Variants in ASXL2 observed in about 807,000 individuals in gnomAD.
The protein encoded by ASXL2 is putative Polycomb group protein ASXL2.
ASXL2 carries 23 observed loss-of-function variants against 122.0 expected under a neutral mutation model. That is an observed-to-expected ratio of 0.19 (90% CI 0.14 to 0.27). ASXL2 has a LOEUF of 0.27. Among genes scored for constraint, ASXL2 ranks in the 10% least tolerant of loss-of-function variants. The pLI is 1.00. For missense variants in ASXL2, 1,518 were observed against 1,713.8 expected, an observed-to-expected ratio of 0.89 and a Z score of 2.02; for synonymous variants, 650 against 637.0, an observed-to-expected ratio of 1.02 and a Z score of -0.31.
chr2:25,754,679 TAAAA>T (rs35860666), intron 10 of ASXL2, among the ~76,000 whole-genome samples: 2 of 149,510 alleles, frequency 1.3e-5, no homozygotes, highest in African/African-American at 4.9e-5. Context: ...GCTTGCATGT[TAAAA>T]AAAAAAGTAA....
chr2:25,808,726 G>A (rs1292255587), intron 3 of ASXL2, among the ~76,000 whole-genome samples: 1 of 152,170 alleles, frequency 6.6e-6, no homozygotes, highest in African/African-American at 2.4e-5. Context: ...AGACACTTGT[G>A]TCAATATTTG....
chr2:25,786,243 C>CTTTTTTGTTTTTTTTTTTTT (rs2088743222), intron 5 of ASXL2, among the ~76,000 whole-genome samples: 1 of 112,420 alleles, frequency 8.9e-6, no homozygotes, highest in Non-Finnish European at 1.7e-5. Context: ...CCACATCATT[C>CTTTTTTGTTTTTTTTTTTTT]TTTTTTTTTT....
chr2:25,743,843 C>T lies in ASXL2; in HGVS notation c.2494G>A (p.Ala832Thr). The change falls in exon 13 of 13, where the codon GCA becomes ACA. Residue 832 changes from alanine to threonine, a missense_variant. Physicochemically the swap from Ala to Thr is moderately conservative, Grantham distance 58. Around this residue, in one of 8 missense-constraint regions of ASXL2, gnomAD observed 831 missense variants for 833.1 expected, o/e 1.00. Transcript: ENST00000435504. Reference sequence around the variant, plus strand: ...AGAGCAGGACCTGTTGGAGAAGGTGCTTTCTCCTGTCTGCAACTACTGGGC... The same window carrying T: ...AGAGCAGGACCTGTTGGAGAAGGTGTTTTCTCCTGTCTGCAACTACTGGGC... ...QGPSSCRQEK[A>T]PSPTGPALIS... The T allele has an allele frequency of 6.2e-7, 1 of 1,614,026 alleles. No individual in the cohort carries two copies. Among genetic ancestry groups the T allele is most frequent in the African/African-American group, 1.3e-5 (1 of 75,046 alleles).
At chr2:25,873,653 AC>A (rs2089982855) in intron 1 of ASXL2, among the ~76,000 whole-genome samples, 2 of 151,690 alleles carry the variant, frequency 1.3e-5, no homozygotes, top group African/African-American at 2.4e-5. Flanking sequence ...AAAAAAAAAA[AC>A]AAAAAAACTA....
At chr2:25,754,830 G>GA (rs901731301) in intron 10 of ASXL2, among the ~76,000 whole-genome samples, 57 of 139,512 alleles carry the variant, frequency 4.1e-4, no homozygotes, top group East Asian at 1.9e-3. Context: ...ATCTTTCTGA[G>GA]AAAAAAAAAA....
At chr2:25,826,047 G>A (rs761118037) in intron 3 of ASXL2, among the ~76,000 whole-genome samples, 7 of 152,086 alleles carry the variant, frequency 4.6e-5, no homozygotes, top group East Asian at 3.9e-4. Flanking sequence ...CGTGGTGGGC[G>A]GGCACTATGT....
At chr2:25,822,792 T>A (rs190132995) in intron 3 of ASXL2, 1 of 571,286 alleles carries the variant, frequency 1.8e-6, no homozygotes, top group African/African-American at 1.9e-5. Context: ...TTGGAAACAC[T>A]GGGAAGATGG....
intron 3 of ASXL2, among the ~76,000 whole-genome samples, chr2:25,829,128 A>G (rs1312741207): frequency 1.3e-5 from 2 of 152,152 alleles, no homozygotes; most frequent in African/African-American, 4.8e-5. Flanking sequence ...CAGATGTGGC[A>G]GTGTACACCT....
chr2:25,779,521 A>T (rs547817927), intron 5 of ASXL2, among the ~76,000 whole-genome samples: 1 of 152,298 alleles, frequency 6.6e-6, no homozygotes, highest in African/African-American at 2.4e-5. Flanking sequence ...ATAATTATTG[A>T]AATTAAGACT....
At position 25,743,618 on chromosome 2, in the gene ASXL2, T is replaced by G. The variant is rs373675790; in HGVS notation, c.2719A>C (p.Thr907Pro). 32 of 1,614,038 alleles carry G rather than the reference T, an allele frequency of 2.0e-5. No homozygotes were observed. The East Asian group carries it at 5.6e-4, about 28-fold the overall frequency. Reference protein sequence around the residue: ...EKLPVPQVSATTAPAGSAPPS... With the variant: ...EKLPVPQVSAPTAPAGSAPPS... ...GGAGCTGATCCAGCAGGTGCTGTAG[T>G]TGCACTGACCTGGGGTACAGGAAGC... Residue 907 changes from threonine (T) to proline (P), a missense_variant, in exon 13 of 13, where the codon ACT (threonine) becomes CCT (proline). Thr to Pro is a conservative substitution (Grantham distance 38, BLOSUM62 -1). This residue lies in a region of ASXL2 where 831 missense variants were observed against 833.1 expected (regional missense o/e 1.00). Coordinates refer to ENST00000435504, the MANE Select transcript of ASXL2 (RefSeq NM_018263.6).
At position 25,744,010 on chromosome 2, in the gene ASXL2, G is replaced by T. The variant is rs755787643; in HGVS notation, c.2327C>A (p.Thr776Asn). Residue 776 changes from threonine (T) to asparagine (N), a missense_variant, in exon 13 of 13, where the codon ACC becomes AAC. This residue lies in a region of ASXL2 where 831 missense variants were observed against 833.1 expected (regional missense o/e 1.00). Coordinates refer to ENST00000435504, the MANE Select transcript of ASXL2 (RefSeq NM_018263.6). The surrounding 1 kb of genome is among the most constrained non-coding windows in gnomAD (Gnocchi z 4.7). ...GGCAGGTGTTGGAGGCACTGGGGGG[G>T]TTTGCTGTAGTTGTGCTCCAGAGAC... is the stretch of plus-strand genomic sequence containing the variant. Reference protein sequence around the residue: ...HSVSGAQLQQTPPVPPTPAVS... With the variant: ...HSVSGAQLQQNPPVPPTPAVS... 3.7e-6 allele frequency: 6 copies of T among 1,613,996 alleles called. No homozygotes were observed. In the Admixed American group the frequency reaches 6.7e-5, roughly 18 times the overall value.
chr2:25,860,981 C>T (rs1469107961), intron 1 of ASXL2, among the ~76,000 whole-genome samples: 1 of 152,140 alleles, frequency 6.6e-6, no homozygotes, highest in African/African-American at 2.4e-5. Context: ...CACTGCACTC[C>T]AGCCTGGGCG....
chr2:25,781,959 C>CTTTTTTTTTTTT lies in ASXL2; in HGVS notation c.404-10420_404-10419insAAAAAAAAAAAA, dbSNP rs1327580113. ...TAACAGGCGTGAGCCACCGCCCGGG[C>CTTTTTTTTTTTT]TTTTTTCTTTTTTTTTTTTTTTTTT... On this transcript the variant is annotated intron_variant, in intron 5 of 12. Transcript: ENST00000435504. 5.7e-5 allele frequency among the ~76,000 whole-genome samples: 5 copies of CTTTTTTTTTTTT among 88,400 alleles called. 2 individuals are homozygous for CTTTTTTTTTTTT. Among genetic ancestry groups the CTTTTTTTTTTTT allele is most frequent in the African/African-American group, 8.9e-5 (2 of 22,530 alleles). 58.0% of individuals were successfully genotyped at this position (88,400 alleles called of 152,430 possible).
In ASXL2 at chr2:25,733,798, A is replaced by G. The variant is rs898552291; in HGVS notation, c.*8231T>C. 6.6e-6 allele frequency: 1 copy of G among 152,218 alleles called. No homozygotes were observed. The highest frequency in any genetic ancestry group is 1.5e-5 in the Non-Finnish European group (1 of 68,032). The allele number at this position is 152,218 out of a possible 1,614,324, so 9.4% of individuals were successfully genotyped here. On this transcript the variant is annotated 3_prime_UTR_variant, in exon 13 of 13. Coordinates refer to ENST00000435504, the MANE Select transcript of ASXL2 (RefSeq NM_018263.6). ...TTATTCAACATAGAATGAGTCAGTA[A>G]AATATGGTTTGTCTATGTGCAGAAA...
Position 25,737,307 on chromosome 2 carries a change from G to A in ASXL2, c.*4722C>T, listed in dbSNP as rs1056306490. On this transcript the variant is annotated 3_prime_UTR_variant, in exon 13 of 13. Transcript: ENST00000435504. ...GTGGTGGCAGTAAATGTCAACCACTGTGGAGAAAGGAAAACCTATTTTTTC... is the reference window on the plus strand; with the variant it reads ...GTGGTGGCAGTAAATGTCAACCACTATGGAGAAAGGAAAACCTATTTTTTC... 6.6e-6 allele frequency: 1 copy of A among 152,048 alleles called. No homozygotes were observed. The highest frequency in any genetic ancestry group is 1.5e-5 in the Non-Finnish European group (1 of 68,006). 9.4% of individuals were successfully genotyped at this position (152,048 alleles called of 1,614,324 possible).
At chr2:25,801,548 T>G (rs560669351) in intron 4 of ASXL2, among the ~76,000 whole-genome samples, 41 of 152,334 alleles carry the variant, frequency 2.7e-4, no homozygotes, top group Middle Eastern at 6.8e-3. Flanking sequence ...GCAGGACAGC[T>G]TTTATAGAGT....
chr2:25,839,853 A>G (rs759564361), intron 2 of ASXL2, among the ~76,000 whole-genome samples: 19 of 147,740 alleles, frequency 1.3e-4, no homozygotes, highest in Non-Finnish European at 2.1e-4. Flanking sequence ...TAGGACATAT[A>G]TTCATGGGAC....
intron 1 of ASXL2, among the ~76,000 whole-genome samples, chr2:25,863,973 G>A (rs1368040852): frequency 6.7e-6 from 1 of 148,726 alleles, no homozygotes; most frequent in African/African-American, 2.5e-5. Context: ...GCCACTGCAC[G>A]CCAGCCTGGG....
intron 2 of ASXL2, among the ~76,000 whole-genome samples, chr2:25,843,829 AAAAG>A (rs960270294): frequency 1.6e-4 from 24 of 151,262 alleles, no homozygotes; most frequent in South Asian, 1.5e-3. Context: ...AAAAAAAAAA[AAAAG>A]AAAGAAAGAA....
Sources: allele counts gnomAD v4.1 joint callset (sites outside exome capture counted in the v4.1 genomes callset), GRCh38; gene constraint gnomAD v4.1.1; regional missense constraint gnomAD v4.1.1; non-coding constraint Gnocchi (gnomAD v3.1); transcripts MANE v1.5; gene names NCBI Gene and HGNC (gene_info 2026-07-23, HGNC 2026-07-21).